Variants in NBAS observed in about 807,000 individuals in gnomAD.
NBAS encodes NBAS subunit of NRZ tethering complex, also known as NAG/BC035112 fusion.
A neutral mutation model predicts 302.5 loss-of-function variants in NBAS; 219 were observed. The observed-to-expected ratio is 0.72, with a 90% CI of 0.65 to 0.81. NBAS has a LOEUF of 0.81. NBAS is among the 30% of genes least tolerant of loss of function. The pLI is 0.00. For missense variants in NBAS, 2,932 were observed against 2,841.6 expected (o/e 1.03, Z -0.72); for synonymous variants, 1,118 against 1,021.6 (o/e 1.09, Z -1.80).
chr2:15,107,452 G>T, the NBAS span, among the ~76,000 whole-genome samples: 3 of 152,106 alleles, frequency 2.0e-5, no homozygotes, highest in African/African-American at 7.2e-5. Flanking sequence ...CTAAGACAGG[G>T]TAGCAGATAT....
At chr2:14,900,961 A>G in the NBAS span, among the ~76,000 whole-genome samples, 2 of 152,194 alleles carry the variant, frequency 1.3e-5, no homozygotes, top group Admixed American at 1.3e-4. Flanking sequence ...CCATATGGCT[A>G]CGGGGGTAGT....
chr2:14,939,977 A>G, the NBAS span, among the ~76,000 whole-genome samples: 1 of 152,246 alleles, frequency 6.6e-6, no homozygotes, highest in Non-Finnish European at 1.5e-5. Context: ...ACTTGCTGAC[A>G]TCTGGCTCAT....
Position 15,374,657 on chromosome 2 carries a change from T to C in NBAS, c.3654A>G (p.Gln1218=), listed in dbSNP as rs1490782420. ...CAAATTCTTCAAGACATCCAACGGC[T>C]TGGATAAGATCTAGCTCCTCTTGAA... The part of the protein sequence containing the change: ...PAIQEELDLI[Q]AVGCLEEFGV... The change falls in exon 31 of 52, where the codon CAA becomes CAG. Residue 1218 remains glutamine, a synonymous_variant. Transcript: ENST00000281513. 1 of 1,613,990 alleles carries C rather than the reference T, an allele frequency of 6.2e-7. No homozygotes were observed. Among genetic ancestry groups the C allele is most frequent in the Admixed American group, 1.7e-5 (1 of 60,030 alleles).
intron 41 of NBAS, among the ~76,000 whole-genome samples, chr2:15,289,300 C>T (rs1390737970): frequency 6.6e-6 from 1 of 152,108 alleles, no homozygotes; most frequent in African/African-American, 2.4e-5. Flanking sequence ...CAAGGTCTTG[C>T]TATGTTGCCA....
the NBAS span, among the ~76,000 whole-genome samples, chr2:14,995,360 C>T: frequency 6.6e-6 from 1 of 152,138 alleles, no homozygotes; most frequent in Non-Finnish European, 1.5e-5. Context: ...GAGTTCATGT[C>T]TTTTGCAGGG....
intron 9 of NBAS, among the ~76,000 whole-genome samples, chr2:15,528,160 T>C (rs1663011803): frequency 6.6e-6 from 1 of 151,812 alleles, no homozygotes; most frequent in Non-Finnish European, 1.5e-5. Flanking sequence ...ACTATTAACA[T>C]TGTCACTTTA....
At chr2:15,087,366 A>G in the NBAS span, among the ~76,000 whole-genome samples, 2 of 152,218 alleles carry the variant, frequency 1.3e-5, no homozygotes, top group Admixed American at 6.5e-5. Context: ...TATCAGTCAC[A>G]TAGTAAGAAG....
At chr2:15,321,250 C>T (rs192390761) in intron 38 of NBAS, among the ~76,000 whole-genome samples, 17 of 152,060 alleles carry the variant, frequency 1.1e-4, no homozygotes, top group Admixed American at 6.6e-4. Context: ...TAATTCAAGA[C>T]GGATTAAAGA....
intron 21 of NBAS, among the ~76,000 whole-genome samples, chr2:15,457,165 A>G (rs7598936): frequency 0.62 from 93,690 of 151,752 alleles, 29,704 homozygotes; most frequent in Non-Finnish European, 0.68. Context: ...GCCTCCTAAC[A>G]GCTGGCTGAA....
At chr2:15,205,996 T>A (rs1390991617) in intron 48 of NBAS, among the ~76,000 whole-genome samples, 1 of 151,760 alleles carries the variant, frequency 6.6e-6, no homozygotes, top group East Asian at 1.9e-4. Context: ...TACCTGAAAA[T>A]GTGGAAGCAC....
chr2:14,805,984 G>A, the NBAS span, among the ~76,000 whole-genome samples: 1 of 152,028 alleles, frequency 6.6e-6, no homozygotes, highest in Admixed American at 6.6e-5. Flanking sequence ...CCCCTTGCAG[G>A]CAAGGATTAT....
chr2:15,078,718 C>A, the NBAS span, among the ~76,000 whole-genome samples: 1 of 152,116 alleles, frequency 6.6e-6, no homozygotes, highest in Non-Finnish European at 1.5e-5. Flanking sequence ...GTGCTTGGCA[C>A]TGTAAAAAAA....
At position 15,450,708 on chromosome 2, in the gene NBAS, A is replaced by G. The variant is rs1419462736; in HGVS notation, c.2339+10493T>C. On this transcript the variant is annotated intron_variant, in intron 21 of 51. Transcript: ENST00000281513. ...AAATAATATAAAATTTATATGACTCACACATTTTTGCTAAACTGTTCTTTC... is the reference window on the plus strand; with the variant it reads ...AAATAATATAAAATTTATATGACTCGCACATTTTTGCTAAACTGTTCTTTC... Among the ~76,000 whole-genome samples, 3 of 152,214 alleles carry G rather than the reference A, an allele frequency of 2.0e-5. No individual in the cohort carries two copies. In the East Asian group the frequency reaches 5.8e-4, roughly 29 times the overall value.
chr2:14,882,585 G>T, the NBAS span, among the ~76,000 whole-genome samples: 1 of 152,162 alleles, frequency 6.6e-6, no homozygotes, highest in African/African-American at 2.4e-5. Flanking sequence ...AAAGTGAGGT[G>T]ATCCTCAAAG....
chr2:15,379,933 C>G, intron 29 of NBAS, 102 bp from the exon 30 acceptor site: 1 of 1,084,338 alleles, frequency 9.2e-7, no homozygotes, highest in Non-Finnish European at 1.4e-6. Context: ...AAAAACACAT[C>G]CACCCTAGAG....
intron 24 of NBAS, 62 bp from the exon 25 acceptor site, chr2:15,415,781 T>C: frequency 6.4e-7 from 1 of 1,566,754 alleles, no homozygotes; most frequent in African/African-American, 1.4e-5. Flanking sequence ...TGCCTTATTA[T>C]ATCAGACAGC....
intron 21 of NBAS, among the ~76,000 whole-genome samples, chr2:15,428,639 T>A (rs1207431444): frequency 2.0e-5 from 3 of 152,008 alleles, no homozygotes; most frequent in African/African-American, 7.2e-5. Context: ...CTCAGAAAGC[T>A]GATGTAGGAG....
chr2:15,469,899 A>G (rs1279174424), intron 16 of NBAS, among the ~76,000 whole-genome samples: 1 of 151,722 alleles, frequency 6.6e-6, no homozygotes, highest in Non-Finnish European at 1.5e-5. Flanking sequence ...TGACGAGTTA[A>G]TGGGTGCAGC....
the NBAS span, among the ~76,000 whole-genome samples, chr2:15,097,930 ATT>A: frequency 6.4e-5 from 7 of 109,372 alleles, no homozygotes; most frequent in South Asian, 5.0e-4. Flanking sequence ...TATTATATAT[ATT>A]ACATATATAT....
Sources: gnomAD v4.1 joint callset for allele counts (sites outside exome capture counted in the v4.1 genomes callset) on GRCh38, gnomAD v4.1.1 for gene constraint, MANE v1.5 for transcripts, NCBI Gene and HGNC (gene_info 2026-07-23, HGNC 2026-07-21) for gene names.